Variants in PALLD observed in about 807,000 individuals in gnomAD.
PALLD encodes the protein palladin.
A neutral mutation model predicts 123.5 loss-of-function variants in PALLD; 61 were observed. That is an observed-to-expected ratio of 0.49 (90% CI 0.40 to 0.61). The LOEUF (loss-of-function observed/expected upper bound fraction) is 0.61, where lower values mean the gene tolerates loss of function less well. Ranked by LOEUF, PALLD falls within the 20% of genes least tolerant of loss-of-function variation. The pLI is 0.00. For synonymous variants in PALLD, 465 were observed against 496.4 expected (o/e 0.94, Z 0.84); for missense variants, 1,273 against 1,377.0 (o/e 0.92, Z 1.20).
intron 2 of PALLD, among the ~76,000 whole-genome samples, chr4:168,638,469 G>C (rs74486712): frequency 3.9e-5 from 6 of 152,262 alleles, no homozygotes; most frequent in Admixed American, 1.3e-4. Context: ...TCTAGATCAG[G>C]TCCTTTGCTT....
intron 10 of PALLD, among the ~76,000 whole-genome samples, chr4:168,809,034 GT>G (rs1372362533): frequency 6.6e-6 from 1 of 152,154 alleles, no homozygotes; most frequent in African/African-American, 2.4e-5. Flanking sequence ...TAAACACAGT[GT>G]CATTTTTATA....
chr4:168,814,239 T>C (rs1741595581), intron 10 of PALLD, among the ~76,000 whole-genome samples: 1 of 152,198 alleles, frequency 6.6e-6, no homozygotes, highest in Non-Finnish European at 1.5e-5. Flanking sequence ...ACCAAAAATA[T>C]AAGAACCAAC....
At position 168,793,289 on chromosome 4, in the gene PALLD, A is replaced by G. The variant is rs28589437; in HGVS notation, c.1964+81366A>G. ...TATGTGTGCATATATATACATATAT[A>G]TGTGTGCATATATATACATATATAT... On this transcript the variant is annotated intron_variant, in intron 10 of 21. Coordinates refer to ENST00000505667, the MANE Select transcript of PALLD (RefSeq NM_001166108.2). 2.3e-4 allele frequency among the ~76,000 whole-genome samples: 11 copies of G among 48,058 alleles called. 1 individual carries two copies. Among genetic ancestry groups the G allele is most frequent in the African/African-American group, 4.7e-4 (7 of 14,878 alleles). 31.5% of individuals were successfully genotyped at this position (48,058 alleles called of 152,430 possible).
At chr4:168,789,064 AAT>A (rs1182263696) in intron 10 of PALLD, among the ~76,000 whole-genome samples, 1 of 152,220 alleles carries the variant, frequency 6.6e-6, no homozygotes, top group African/African-American at 2.4e-5. Context: ...TTTCTAAAGC[AAT>A]ATAATTTAGT....
intron 2 of PALLD, among the ~76,000 whole-genome samples, chr4:168,612,254 CAAAAAAA>C (rs5863950): frequency 7.9e-6 from 1 of 127,126 alleles, no homozygotes; most frequent in Non-Finnish European, 1.7e-5. Flanking sequence ...TCTAGGTTTA[CAAAAAAA>C]AAAAAAAAAA....
At chr4:168,561,989 T>G (rs759600988) in intron 2 of PALLD, among the ~76,000 whole-genome samples, 1 of 152,176 alleles carries the variant, frequency 6.6e-6, no homozygotes, top group Admixed American at 6.5e-5. Flanking sequence ...CAAGGCACTT[T>G]TACAGACATT....
chr4:168,790,556 T>C (rs1261495782), intron 10 of PALLD, among the ~76,000 whole-genome samples: 1 of 152,202 alleles, frequency 6.6e-6, no homozygotes, highest in Non-Finnish European at 1.5e-5. Flanking sequence ...CTGCAGTTCA[T>C]TGACCAATCT....
intron 2 of PALLD, among the ~76,000 whole-genome samples, chr4:168,594,439 G>C (rs764713596): frequency 6.6e-6 from 1 of 152,186 alleles, no homozygotes; most frequent in Non-Finnish European, 1.5e-5. Context: ...AAACAGACGC[G>C]TGAGGGGAGG....
rs569099942 is a variant in PALLD at position 168,802,133 on chromosome 4, T to C, written c.1965-88789T>C. Among the ~76,000 whole-genome samples the C allele has an allele frequency of 7.9e-5, 12 of 152,342 alleles. No individual in the cohort carries two copies. In the East Asian group the frequency reaches 2.1e-3, roughly 27 times the overall value. ...GGAGTTACTTCTCGGGAATGCTCCA[T>C]TGAGAAAAACTGCTGCCTCTTTTAT... On this transcript the variant is annotated intron_variant, in intron 10 of 21. Coordinates refer to ENST00000505667, the MANE Select transcript of PALLD (RefSeq NM_001166108.2).
chr4:168,635,280 C>T (rs1310976590), intron 2 of PALLD, among the ~76,000 whole-genome samples: 1 of 152,182 alleles, frequency 6.6e-6, no homozygotes, highest in Non-Finnish European at 1.5e-5. Context: ...CGATCTTTTC[C>T]AATGCCAGAA....
chr4:168,526,139 C>T (rs915285608), intron 2 of PALLD, among the ~76,000 whole-genome samples: 6 of 152,190 alleles, frequency 3.9e-5, no homozygotes, highest in African/African-American at 1.2e-4. Flanking sequence ...TTCCAACACA[C>T]GCCTCAAGAA....
chr4:168,748,066 A>G (rs1395691551), intron 10 of PALLD, among the ~76,000 whole-genome samples: 1 of 152,228 alleles, frequency 6.6e-6, no homozygotes, highest in Non-Finnish European at 1.5e-5. Flanking sequence ...AACAGGAGAA[A>G]ATGTTAGCAT....
chr4:168,753,181 C>A (rs113575854), intron 10 of PALLD, among the ~76,000 whole-genome samples: 2,617 of 152,278 alleles, frequency 0.017, 92 homozygotes, highest in South Asian at 0.15. Flanking sequence ...ACTCTCCCCT[C>A]TTAATATCAA....
intron 10 of PALLD, among the ~76,000 whole-genome samples, chr4:168,753,207 C>T (rs1731301917): frequency 6.6e-6 from 1 of 152,134 alleles, no homozygotes; most frequent in Non-Finnish European, 1.5e-5. Flanking sequence ...TAATCCCCAC[C>T]TTACATGCCA....
chr4:168,690,448 C>T (rs1179087330), intron 6 of PALLD, among the ~76,000 whole-genome samples, 155 bp from the exon 7 acceptor site: 3 of 152,156 alleles, frequency 2.0e-5, no homozygotes, highest in African/African-American at 4.8e-5. Flanking sequence ...TTTATCCTTA[C>T]CTGAGTCAGT....
At chr4:168,549,607 C>T (rs1766520012) in intron 2 of PALLD, among the ~76,000 whole-genome samples, 1 of 151,982 alleles carries the variant, frequency 6.6e-6, no homozygotes, top group Non-Finnish European at 1.5e-5. Context: ...ATACTTCACC[C>T]AATTATCTTT....
At chr4:168,531,772 G>A (rs1764623831) in intron 2 of PALLD, among the ~76,000 whole-genome samples, 1 of 152,130 alleles carries the variant, frequency 6.6e-6, no homozygotes, top group Non-Finnish European at 1.5e-5. Flanking sequence ...AACAAAAACA[G>A]CTGCCCTACA....
intron 2 of PALLD, among the ~76,000 whole-genome samples, chr4:168,562,960 G>T (rs542296733): frequency 6.6e-6 from 1 of 152,180 alleles, no homozygotes; most frequent in South Asian, 2.1e-4. Flanking sequence ...GAATCCAAAC[G>T]GAAAATAGAA....
intron 2 of PALLD, among the ~76,000 whole-genome samples, chr4:168,645,691 T>A (rs1428064714): frequency 6.6e-6 from 1 of 152,212 alleles, no homozygotes; most frequent in Non-Finnish European, 1.5e-5. Flanking sequence ...ACTTATTCGA[T>A]GTTAGCTGCC....
Sources: gnomAD v4.1 joint callset for allele counts (sites outside exome capture counted in the v4.1 genomes callset) on GRCh38, gnomAD v4.1.1 for gene constraint, MANE v1.5 for transcripts, NCBI Gene and HGNC (gene_info 2026-07-23, HGNC 2026-07-21) for gene names.